PRRX2: variants seen among roughly 807,000 people sequenced by gnomAD.
PRRX2 encodes paired related homeobox 2.
PRRX2 carries 11 observed loss-of-function variants against 18.0 expected under a neutral mutation model. The observed-to-expected ratio is 0.61, with a 90% CI of 0.39 to 1.01. The LOEUF is 1.01. PRRX2 is among the 50% of genes least tolerant of loss of function. PRRX2 has a pLI of 0.01. For missense variants in PRRX2, 387 were observed against 351.0 expected, an observed-to-expected ratio of 1.10 and a Z score of -0.82; for synonymous variants, 177 against 154.8, an observed-to-expected ratio of 1.14 and a Z score of -1.06.
chr9:129,695,406 G>C lies in PRRX2; in HGVS notation c.260-23825G>C, dbSNP rs574534816. ...GAGGCTGCGGAAATGGCAGATGCTT[G>C]AAGAATCAGCTTCCCTCCAAATTCC... On this transcript the variant is annotated intron_variant, in intron 1 of 3. Coordinates refer to ENST00000372469, the MANE Select transcript of PRRX2 (RefSeq NM_016307.4). The surrounding 1 kb of genome is among the most constrained non-coding windows in gnomAD (Gnocchi z 4.8). 4.6e-5 allele frequency among the ~76,000 whole-genome samples: 7 copies of C among 152,342 alleles called. No individual in the cohort carries two copies. The East Asian group carries it at 1.3e-3, about 29-fold the overall frequency.
At chr9:129,676,977 C>G (rs1832168530) in intron 1 of PRRX2, among the ~76,000 whole-genome samples, 2 of 152,228 alleles carry the variant, frequency 1.3e-5, no homozygotes, top group Admixed American at 1.3e-4. Context: ...TGCCTTCCCC[C>G]TAAGAGACTG....
At chr9:129,712,524 GC>G (rs1281992177) in intron 1 of PRRX2, among the ~76,000 whole-genome samples, 1 of 152,090 alleles carries the variant, frequency 6.6e-6, no homozygotes, top group Non-Finnish European at 1.5e-5. Flanking sequence ...AATGCCTTTG[GC>G]CCCCAGTCAG....
intron 1 of PRRX2, among the ~76,000 whole-genome samples, chr9:129,707,798 A>AT: frequency 6.6e-6 from 1 of 152,082 alleles, no homozygotes; most frequent in South Asian, 2.1e-4. Context: ...CTCAAAAAAA[A>AT]AAAAAAATGC....
intron 1 of PRRX2, among the ~76,000 whole-genome samples, chr9:129,678,643 T>A (rs1362000943): frequency 6.6e-6 from 1 of 152,094 alleles, no homozygotes; most frequent in Non-Finnish European, 1.5e-5. Flanking sequence ...GCATGGCTGT[T>A]CTGGAGCAGA....
rs1380215471 is a variant in PRRX2 at position 129,665,940 on chromosome 9, G to C, written c.73G>C (p.Ala25Pro). 3 of 1,128,860 alleles carry C rather than the reference G, an allele frequency of 2.7e-6. No homozygotes were observed. Among genetic ancestry groups the C allele is most frequent in the Non-Finnish European group, 1.1e-6 (1 of 918,820 alleles). The allele number at this position is 1,128,860 out of a possible 1,614,324, so 69.9% of individuals were successfully genotyped here. The change falls in exon 1 of 4, where the codon GCG becomes CCG. Residue 25 changes from alanine (A) to proline (P), a missense_variant. Ala to Pro is a conservative substitution (Grantham distance 27). Transcript: ENST00000372469. The surrounding 1 kb of genome is among the most constrained non-coding windows in gnomAD (Gnocchi z 5.3). Reference protein sequence around the residue: ...LGPGPPPPPPALGPGDCAQAR... With the variant: ...LGPGPPPPPPPLGPGDCAQAR... Reference sequence around the variant, plus strand: ...CCCGGGGCCGCCGCCGCCTCCACCCGCGCTGGGGCCCGGCGACTGCGCCCA... The same window carrying C: ...CCCGGGGCCGCCGCCGCCTCCACCCCCGCTGGGGCCCGGCGACTGCGCCCA...
chr9:129,694,091 C>T (rs1432310741), intron 1 of PRRX2, among the ~76,000 whole-genome samples: 1 of 152,162 alleles, frequency 6.6e-6, no homozygotes, highest in Non-Finnish European at 1.5e-5. Context: ...CAGCTACTAG[C>T]AGGCGATCAG....
intron 1 of PRRX2, among the ~76,000 whole-genome samples, chr9:129,704,923 C>T (rs1379228058): frequency 6.6e-6 from 1 of 152,206 alleles, no homozygotes; most frequent in Non-Finnish European, 1.5e-5. Flanking sequence ...ACCTTGGGCC[C>T]TGAGCAGAAA....
At chr9:129,697,604 C>G (rs1588169317) in intron 1 of PRRX2, among the ~76,000 whole-genome samples, 1 of 151,726 alleles carries the variant, frequency 6.6e-6, no homozygotes, top group African/African-American at 2.4e-5. Flanking sequence ...GCCCTGGCAT[C>G]CCCTGGATTT....
chr9:129,711,067 A>G (rs1832611814), intron 1 of PRRX2, among the ~76,000 whole-genome samples: 1 of 152,092 alleles, frequency 6.6e-6, no homozygotes, highest in African/African-American at 2.4e-5. Context: ...TGTTGCCTTC[A>G]GCCTCCCTCC....
intron 1 of PRRX2, among the ~76,000 whole-genome samples, chr9:129,696,408 C>G (rs1832422618): frequency 6.6e-6 from 1 of 152,028 alleles, no homozygotes; most frequent in African/African-American, 2.4e-5. Flanking sequence ...AACCCCGTCT[C>G]TACAAAAAAT....
chr9:129,689,816 A>G (rs1471407403), intron 1 of PRRX2, among the ~76,000 whole-genome samples: 421 of 99,504 alleles, frequency 4.2e-3, no homozygotes, highest in African/African-American at 0.028. Flanking sequence ...GCAGTGGCAC[A>G]ATCTTGGCTC....
At chr9:129,678,818 T>C (rs1588163148) in intron 1 of PRRX2, among the ~76,000 whole-genome samples, 1 of 152,250 alleles carries the variant, frequency 6.6e-6, no homozygotes, top group East Asian at 1.9e-4. Flanking sequence ...GAGCATCTCT[T>C]ACGGTCACAT....
chr9:129,719,807 T>C (rs781330691), intron 2 of PRRX2, among the ~76,000 whole-genome samples: 1 of 152,126 alleles, frequency 6.6e-6, no homozygotes, highest in Non-Finnish European at 1.5e-5. Flanking sequence ...GCCAACATAA[T>C]GAAACCCCAT....
intron 1 of PRRX2, among the ~76,000 whole-genome samples, chr9:129,698,349 G>A (rs1239545168): frequency 2.0e-5 from 3 of 151,708 alleles, no homozygotes; most frequent in Non-Finnish European, 2.9e-5. Flanking sequence ...CTGCCAGGCC[G>A]GGCTGGGCCA....
In PRRX2 at chr9:129,694,428, G is replaced by A. The variant is rs147185777; in HGVS notation, c.260-24803G>A. ...TCCAACTCCTGACCTCAAGTGATCCGCCCGCCTCGGCCTCCCACAGTGCTG... is the reference window on the plus strand; with the variant it reads ...TCCAACTCCTGACCTCAAGTGATCCACCCGCCTCGGCCTCCCACAGTGCTG... On this transcript the variant is annotated intron_variant, in intron 1 of 3. Transcript: ENST00000372469. Among the ~76,000 whole-genome samples, 676 of 152,220 alleles carry A rather than the reference G, an allele frequency of 4.4e-3. 7 individuals carry two copies. The highest frequency in any genetic ancestry group is 6.6e-3 in the Non-Finnish European group (451 of 68,000).
In PRRX2 at chr9:129,671,281, C is replaced by T. The variant is rs1832096621; in HGVS notation, c.259+5155C>T. Among the ~76,000 whole-genome samples the T allele has an allele frequency of 6.6e-6, 1 of 152,176 alleles. No homozygotes were observed. The highest frequency in any genetic ancestry group is 2.1e-4 in the South Asian group (1 of 4,828). ...GGCCTTCCGTTTGGGAACTGCTGGG[C>T]CTCCCAGCGTGGCTAGGGCGGGACA... On this transcript the variant is annotated intron_variant, in intron 1 of 3. Transcript: ENST00000372469. This position sits in a 1 kb window ranked among gnomAD's most constrained non-coding sequence, Gnocchi z 4.0.
chr9:129,672,104 T>A (rs1427818722), intron 1 of PRRX2, among the ~76,000 whole-genome samples: 1 of 152,064 alleles, frequency 6.6e-6, no homozygotes, highest in Non-Finnish European at 1.5e-5. Context: ...TCCTAGACCC[T>A]AAAGGACAGT....
intron 1 of PRRX2, among the ~76,000 whole-genome samples, chr9:129,716,095 G>A (rs577146227): frequency 6.6e-6 from 1 of 152,302 alleles, no homozygotes; most frequent in South Asian, 2.1e-4. Flanking sequence ...CCCAAACCCG[G>A]CCGGTGGGAA....
At position 129,699,429 on chromosome 9, in the gene PRRX2, A is replaced by AT. The variant is rs199533295; in HGVS notation, c.260-19802_260-19801insT. 7.6e-4 allele frequency among the ~76,000 whole-genome samples: 110 copies of AT among 144,914 alleles called. No homozygotes were observed. In the East Asian group the frequency reaches 7.6e-3, roughly 10 times the overall value. On this transcript the variant is annotated intron_variant, in intron 1 of 3. Coordinates refer to ENST00000372469, the MANE Select transcript of PRRX2 (RefSeq NM_016307.4). Reference sequence around the variant, plus strand: ...ACAGGGCAAGACTCTGTCTCAAAAAAAATATATATATGTGTGTGTGTGTGT... The same window carrying AT: ...ACAGGGCAAGACTCTGTCTCAAAAAATAATATATATATGTGTGTGTGTGTGT...
Sources: gnomAD v4.1 joint callset for allele counts (sites outside exome capture counted in the v4.1 genomes callset) on GRCh38, gnomAD v4.1.1 for gene constraint, Gnocchi (gnomAD v3.1) non-coding constraint, MANE v1.5 for transcripts, NCBI Gene and HGNC (gene_info 2026-07-23, HGNC 2026-07-21) for gene names.